Variants in GAS7 observed in about 807,000 individuals in gnomAD.
GAS7 encodes the protein growth arrest-specific protein 7.
A neutral mutation model predicts 71.1 loss-of-function variants in GAS7; 28 were observed. That is an observed-to-expected ratio of 0.39 (90% CI 0.29 to 0.54). GAS7 has a LOEUF of 0.54. Among genes scored for constraint, GAS7 ranks in the 20% least tolerant of loss-of-function variants. GAS7 has a pLI of 0.62. For synonymous variants in GAS7, 258 were observed against 245.8 expected (o/e 1.05, Z -0.46); for missense variants, 436 against 627.8 (o/e 0.69, Z 3.27).
At chr17:10,081,282 G>C (rs1248156992) in intron 1 of GAS7, among the ~76,000 whole-genome samples, 2 of 152,080 alleles carry the variant, frequency 1.3e-5, no homozygotes, top group Non-Finnish European at 2.9e-5. Flanking sequence ...AGCCTCCTGA[G>C]TAGCTGGGAT....
At chr17:9,920,463 A>C (rs2067765506) in intron 11 of GAS7, among the ~76,000 whole-genome samples, 1 of 152,234 alleles carries the variant, frequency 6.6e-6, no homozygotes, top group South Asian at 2.1e-4. Context: ...AACATTTTGT[A>C]ATTAGAAAGA....
At chr17:9,975,861 C>T (rs569002762) in intron 3 of GAS7, among the ~76,000 whole-genome samples, 11 of 152,302 alleles carry the variant, frequency 7.2e-5, no homozygotes, top group South Asian at 2.1e-4. Context: ...GCAGGGCTAC[C>T]GTGAAATCCA....
chr17:9,914,972 G>A lies in GAS7; in HGVS notation c.*2256C>T, dbSNP rs1398080739. On this transcript the variant is annotated 3_prime_UTR_variant, in exon 14 of 14. Coordinates refer to ENST00000432992, the MANE Select transcript of GAS7 (RefSeq NM_201433.2). ...ACGAGCGATCACGGGCTTCCCTGAC[G>A]ACAGGGCCATTATAGTGTCCTCAGA... 1.7e-5 allele frequency: 4 copies of A among 232,404 alleles called. No individual in the cohort carries two copies. In the East Asian group the frequency reaches 2.4e-4, roughly 14 times the overall value. 14.4% of individuals were successfully genotyped at this position (232,404 alleles called of 1,614,324 possible). A position where few individuals can be genotyped will look rare whatever the true frequency, so the allele number is the denominator to read the frequency against.
In GAS7 at chr17:10,103,152, A is replaced by G. The variant is rs1385523056; in HGVS notation, c.184-83255T>C. Among the ~76,000 whole-genome samples, 2 of 151,090 alleles carry G rather than the reference A, an allele frequency of 1.3e-5. No homozygotes were observed. Among genetic ancestry groups the G allele is most frequent in the Non-Finnish European group, 3.0e-5 (2 of 67,482 alleles). On this transcript the variant is annotated intron_variant, in intron 1 of 13. Coordinates refer to ENST00000432992, the MANE Select transcript of GAS7 (RefSeq NM_201433.2). This position sits in a 1 kb window ranked among gnomAD's most constrained non-coding sequence, Gnocchi z 5.5. ...AGATTGCTAAGAGCCCAGGAGTTTGAGACCAGCCTGGGCAATATGGCAAAA... is the reference window on the plus strand; with the variant it reads ...AGATTGCTAAGAGCCCAGGAGTTTGGGACCAGCCTGGGCAATATGGCAAAA...
chr17:10,107,342 C>T (rs764645788), intron 1 of GAS7, among the ~76,000 whole-genome samples: 6 of 124,104 alleles, frequency 4.8e-5, no homozygotes, highest in East Asian at 4.3e-4. Flanking sequence ...AGGCCAAAGA[C>T]GAGACACAGA....
intron 1 of GAS7, among the ~76,000 whole-genome samples, chr17:10,035,354 T>A (rs937778323): frequency 6.6e-5 from 10 of 152,190 alleles, no homozygotes; most frequent in Admixed American, 5.9e-4. Context: ...TGGCTATCAA[T>A]GCAGAGCCCC....
intron 1 of GAS7, among the ~76,000 whole-genome samples, chr17:10,175,729 G>A (rs2074369801): frequency 6.6e-6 from 1 of 152,166 alleles, no homozygotes; most frequent in Non-Finnish European, 1.5e-5. Context: ...TCAACTCCTG[G>A]CCTTAAGTGA....
chr17:10,171,300 T>C (rs374616262), intron 1 of GAS7, among the ~76,000 whole-genome samples: 195 of 152,332 alleles, frequency 1.3e-3, no homozygotes, highest in African/African-American at 4.4e-3. Context: ...AGCCAGACTT[T>C]TGAGTAACTT....
intron 1 of GAS7, among the ~76,000 whole-genome samples, chr17:10,186,888 C>CA (rs10627234): frequency 3.4e-5 from 5 of 148,568 alleles, no homozygotes; most frequent in Admixed American, 6.7e-5. Context: ...ATTCTGTCTC[C>CA]AAAAAAAAAC....
At chr17:9,989,675 G>GT (rs1187514632) in intron 2 of GAS7, among the ~76,000 whole-genome samples, 1 of 152,196 alleles carries the variant, frequency 6.6e-6, no homozygotes, top group Non-Finnish European at 1.5e-5. Context: ...GATAGAAAGT[G>GT]TTATGAGAAC....
In GAS7 at chr17:9,916,028, G is replaced by C. The variant is rs1307518210; in HGVS notation, c.*1200C>G. The C allele has an allele frequency of 4.3e-6, 1 of 233,018 alleles. No individual in the cohort carries two copies. Among genetic ancestry groups the C allele is most frequent in the Non-Finnish European group, 8.5e-6 (1 of 117,984 alleles). 14.4% of individuals were successfully genotyped at this position (233,018 alleles called of 1,614,324 possible). A position where few individuals can be genotyped will look rare whatever the true frequency, so the allele number is the denominator to read the frequency against. ...TTGGTGCAGGGCTCTGGAATGTCCA[G>C]AAGGAGCGGGAAGCAAAGGTGGCGG... On this transcript the variant is annotated 3_prime_UTR_variant, in exon 14 of 14. Coordinates refer to ENST00000432992, the MANE Select transcript of GAS7 (RefSeq NM_201433.2).
chr17:10,064,576 T>C (rs2073260744), intron 1 of GAS7, among the ~76,000 whole-genome samples: 1 of 152,186 alleles, frequency 6.6e-6, no homozygotes. Flanking sequence ...ACCTGGAATT[T>C]GGTTTTGGAA....
At chr17:10,117,949 A>C (rs1162064945) in intron 1 of GAS7, among the ~76,000 whole-genome samples, 7 of 152,188 alleles carry the variant, frequency 4.6e-5, no homozygotes, top group Non-Finnish European at 8.8e-5. Context: ...CTGGAAGGAC[A>C]AACTAGCCAT....
At chr17:10,061,598 T>C (rs2152242747) in intron 1 of GAS7, among the ~76,000 whole-genome samples, 1 of 152,360 alleles carries the variant, frequency 6.6e-6, no homozygotes, top group African/African-American at 2.4e-5. Context: ...TTGAAGATAG[T>C]TCAGCTTCTT....
chr17:9,978,739 CA>C (rs2070299997), intron 3 of GAS7, among the ~76,000 whole-genome samples: 1 of 152,052 alleles, frequency 6.6e-6, no homozygotes, highest in Non-Finnish European at 1.5e-5. Context: ...ATTAATATGT[CA>C]GGGGAAAATG....
At chr17:10,049,215 C>T (rs949877264) in intron 1 of GAS7, among the ~76,000 whole-genome samples, 2 of 152,220 alleles carry the variant, frequency 1.3e-5, no homozygotes, top group South Asian at 2.1e-4. Flanking sequence ...CCATTTTCTT[C>T]GCCGTGGAAC....
Position 10,026,059 on chromosome 17 carries a change from C to T in GAS7, c.184-6162G>A. 5 of 537,228 alleles carry T rather than the reference C, an allele frequency of 9.3e-6. No individual in the cohort carries two copies. The highest frequency in any genetic ancestry group is 1.2e-5 in the Non-Finnish European group (5 of 420,346). 33.3% of individuals were successfully genotyped at this position (537,228 alleles called of 1,614,324 possible). On this transcript the variant is annotated intron_variant, in intron 1 of 13. Transcript: ENST00000432992. This position sits in a 1 kb window ranked among gnomAD's most constrained non-coding sequence, Gnocchi z 4.5. ...CTACTCCGCTCCCTACCGCTCCCAC[C>T]ATGCTTCAAGCTCAAGTTCAACCCG...
At chr17:9,971,500 G>A (rs998720193) in intron 3 of GAS7, among the ~76,000 whole-genome samples, 3 of 152,136 alleles carry the variant, frequency 2.0e-5, no homozygotes, top group African/African-American at 7.2e-5. Flanking sequence ...GGCAGGTGGA[G>A]GCTGCAGTGA....
chr17:9,921,697 C>T (rs974594739), intron 11 of GAS7, among the ~76,000 whole-genome samples: 1 of 152,102 alleles, frequency 6.6e-6, no homozygotes, highest in Admixed American at 6.5e-5. Context: ...CGGTGCCTCA[C>T]GCCTGTAATC....
Sources: allele counts gnomAD v4.1 joint callset (sites outside exome capture counted in the v4.1 genomes callset), GRCh38; gene constraint gnomAD v4.1.1; non-coding constraint Gnocchi (gnomAD v3.1); transcripts MANE v1.5; gene names NCBI Gene and HGNC (gene_info 2026-07-23, HGNC 2026-07-21).